The following EEFSEC variants were observed in gnomAD, a reference collection of about 807,000 sequenced individuals.
EEFSEC encodes eukaryotic elongation factor, selenocysteine-tRNA specific.
EEFSEC carries 43 observed loss-of-function variants against 42.1 expected under a neutral mutation model. The observed-to-expected ratio is 1.02, with a 90% CI of 0.80 to 1.32. The LOEUF (loss-of-function observed/expected upper bound fraction) is 1.32. Among genes scored for constraint, EEFSEC ranks in the 40% most tolerant of loss-of-function variants. The probability of loss-of-function intolerance (pLI) is 0.00; values close to 1 mark genes in which losing one functional copy is unlikely to be tolerated. For synonymous variants in EEFSEC, 354 were observed against 339.1 expected (o/e 1.04, Z -0.48); for missense variants, 745 against 803.6 (o/e 0.93, Z 0.88).
At chr3:128,216,407 G>A (rs192436485) in intron 1 of EEFSEC, among the ~76,000 whole-genome samples, 1 of 152,188 alleles carries the variant, frequency 6.6e-6, no homozygotes, top group African/African-American at 2.4e-5. Context: ...GCTCAAGGTG[G>A]CTCTAGTAAA....
intron 1 of EEFSEC, among the ~76,000 whole-genome samples, chr3:128,205,732 C>G (rs893270690): frequency 3.3e-5 from 5 of 152,194 alleles, no homozygotes; most frequent in African/African-American, 1.2e-4. Context: ...CCTAATTTAT[C>G]TTGAATCCTC....
chr3:128,303,204 G>A (rs1373747826), intron 4 of EEFSEC, among the ~76,000 whole-genome samples: 1 of 152,130 alleles, frequency 6.6e-6, no homozygotes, highest in Non-Finnish European at 1.5e-5. Context: ...CTGGACAACA[G>A]GAGCAATCCT....
chr3:128,324,981 T>C (rs2067048310), intron 4 of EEFSEC, among the ~76,000 whole-genome samples: 1 of 152,198 alleles, frequency 6.6e-6, no homozygotes, highest in Admixed American at 6.5e-5. Context: ...TTGACCTCTA[T>C]TTCATGGTTA....
intron 1 of EEFSEC, among the ~76,000 whole-genome samples, chr3:128,198,786 G>A (rs992061996): frequency 2.6e-5 from 4 of 152,122 alleles, no homozygotes; most frequent in Non-Finnish European, 4.4e-5. Flanking sequence ...GGCCAGGAAG[G>A]AGACATTTTT....
the EEFSEC span, among the ~76,000 whole-genome samples, chr3:128,424,642 C>T: frequency 6.6e-6 from 1 of 152,148 alleles, no homozygotes; most frequent in Non-Finnish European, 1.5e-5. Flanking sequence ...GCCTTGGCCT[C>T]TCAAAGTGCT....
At chr3:128,327,302 C>G (rs1032813759) in intron 4 of EEFSEC, among the ~76,000 whole-genome samples, 5 of 131,212 alleles carry the variant, frequency 3.8e-5, no homozygotes, top group African/African-American at 1.3e-4. Context: ...CCCCCCCCCC[C>G]CAAGGTTGTC....
At chr3:128,192,685 T>C (rs1167294969) in intron 1 of EEFSEC, among the ~76,000 whole-genome samples, 3 of 152,230 alleles carry the variant, frequency 2.0e-5, no homozygotes, top group African/African-American at 4.8e-5. Context: ...ATTAACTCTT[T>C]CCACAGTATT....
chr3:128,384,461 G>T (rs1490605638), intron 6 of EEFSEC, among the ~76,000 whole-genome samples: 1 of 152,226 alleles, frequency 6.6e-6, no homozygotes, highest in Non-Finnish European at 1.5e-5. Context: ...GAGTGAGTGT[G>T]GGGGTGAAGT....
chr3:128,304,692 G>A (rs766013757), intron 4 of EEFSEC, among the ~76,000 whole-genome samples: 9 of 150,236 alleles, frequency 6.0e-5, no homozygotes, highest in South Asian at 2.1e-4. Context: ...GCATCTTTTC[G>A]TTGTTTGTAA....
intron 6 of EEFSEC, among the ~76,000 whole-genome samples, chr3:128,382,504 G>A (rs2067789039): frequency 6.6e-6 from 1 of 152,166 alleles, no homozygotes; most frequent in African/African-American, 2.4e-5. Flanking sequence ...TTGACAGGGG[G>A]GAGGTGAGTG....
intron 4 of EEFSEC, among the ~76,000 whole-genome samples, chr3:128,265,174 G>GT (rs1327504938): frequency 6.6e-6 from 1 of 152,210 alleles, no homozygotes; most frequent in Non-Finnish European, 1.5e-5. Flanking sequence ...AGGGTGGCAA[G>GT]TATGTGTGGA....
chr3:128,303,673 GT>G (rs927812732), intron 4 of EEFSEC, among the ~76,000 whole-genome samples: 6 of 151,672 alleles, frequency 4.0e-5, no homozygotes, highest in Non-Finnish European at 8.8e-5. Context: ...TTTTGACTTG[GT>G]TTTTTTTATC....
chr3:128,316,914 C>T (rs981408587), intron 4 of EEFSEC, among the ~76,000 whole-genome samples: 6 of 152,222 alleles, frequency 3.9e-5, no homozygotes, highest in African/African-American at 4.8e-5. Context: ...CTCATGTGCT[C>T]ATCCTGTTAA....
intron 4 of EEFSEC, among the ~76,000 whole-genome samples, chr3:128,291,979 C>G (rs1363552630): frequency 6.6e-6 from 1 of 152,052 alleles, no homozygotes; most frequent in Non-Finnish European, 1.5e-5. Context: ...TTGCTGAAAG[C>G]TTTTATCATA....
At chr3:128,342,660 T>C (rs903142819) in intron 5 of EEFSEC, among the ~76,000 whole-genome samples, 1 of 152,088 alleles carries the variant, frequency 6.6e-6, no homozygotes, top group Non-Finnish European at 1.5e-5. Context: ...GCCTTGTGCT[T>C]TCAGGGTGGT....
At chr3:128,173,973 G>T (rs1052932140) in intron 1 of EEFSEC, among the ~76,000 whole-genome samples, 1 of 152,162 alleles carries the variant, frequency 6.6e-6, no homozygotes, top group East Asian at 1.9e-4. Context: ...AGCCCTATCC[G>T]CATTCTCGCA....
intron 4 of EEFSEC, among the ~76,000 whole-genome samples, chr3:128,324,013 C>A (rs2067036568): frequency 6.6e-6 from 1 of 152,224 alleles, no homozygotes; most frequent in Non-Finnish European, 1.5e-5. Context: ...TGGCCTCCAT[C>A]TGCTCTGGGG....
chr3:128,313,683 T>G (rs1210199904), intron 4 of EEFSEC, among the ~76,000 whole-genome samples: 2 of 152,258 alleles, frequency 1.3e-5, no homozygotes, highest in Non-Finnish European at 2.9e-5. Flanking sequence ...GACATCCTCA[T>G]GAGCACAGCA....
intron 1 of EEFSEC, among the ~76,000 whole-genome samples, chr3:128,239,602 C>T (rs2066049439): frequency 6.6e-6 from 1 of 152,224 alleles, no homozygotes; most frequent in African/African-American, 2.4e-5. Flanking sequence ...GGCAGCACCC[C>T]TCTCTATGAA....
Sources: gnomAD v4.1 joint callset for allele counts (sites outside exome capture counted in the v4.1 genomes callset) on GRCh38, gnomAD v4.1.1 for gene constraint, MANE v1.5 for transcripts, NCBI Gene and HGNC (gene_info 2026-07-23, HGNC 2026-07-21) for gene names.